Variants in OR1L6 observed in about 807,000 individuals in gnomAD.
OR1L6 encodes the protein olfactory receptor family 1 subfamily L member 6, also known as olfactory receptor 1L6.
Under a neutral mutation model 3.0 loss-of-function variants are expected in OR1L6, and 2 were observed. That is an observed-to-expected ratio of 0.68 (90% CI 0.28 to 2.13). The LOEUF (loss-of-function observed/expected upper bound fraction) is 2.13, where lower values mean the gene tolerates loss of function less well. OR1L6 is among the 30% of genes most tolerant of loss of function. The pLI, the probability that OR1L6 is intolerant of heterozygous loss-of-function variation, is 0.14. For missense variants in OR1L6, 304 were observed against 378.4 expected (o/e 0.80, Z 1.63); for synonymous variants, 121 against 148.4 (o/e 0.82, Z 1.34).
chr9:122,748,326 G>T (rs150837680), intron 1 of OR1L6, among the ~76,000 whole-genome samples: 178 of 151,916 alleles, frequency 1.2e-3, no homozygotes, highest in African/African-American at 4.1e-3. Flanking sequence ...TGAATGAAAG[G>T]GTGTCATTCA....
rs1828872058 is a variant in OR1L6, at chr9:122,749,846, A to G, written c.-2A>G. On this transcript the variant is annotated 5_prime_UTR_variant, in exon 2 of 2. Coordinates refer to ENST00000304720, the MANE Select transcript of OR1L6 (RefSeq NM_001004453.3). ...CAAACCCTATCCAGGAAGTCCAGAG[A>G]CATGGAGATAAAGAACTACAGCAGC... The G allele has an allele frequency of 1.2e-6, 2 of 1,614,064 alleles. No homozygotes were observed. Among genetic ancestry groups the G allele is most frequent in the African/African-American group, 1.3e-5 (1 of 74,928 alleles).
rs982512356 is a variant in OR1L6, at chr9:122,745,570, G to A, written c.-14+3197G>A. Among the ~76,000 whole-genome samples, 3 of 151,412 alleles carry A rather than the reference G, an allele frequency of 2.0e-5. No individual in the cohort carries two copies. In the South Asian group the frequency reaches 6.3e-4, roughly 32 times the overall value. On this transcript the variant is annotated intron_variant, in intron 1 of 1. Coordinates refer to ENST00000304720, the MANE Select transcript of OR1L6 (RefSeq NM_001004453.3). ...TGGGACTGCAGGCGCCCACCACAAC[G>A]CCCAGCTAAGTTTTTGTATTTTTAG... is the stretch of plus-strand genomic sequence containing the variant.
intron 1 of OR1L6, among the ~76,000 whole-genome samples, chr9:122,747,824 C>G (rs1828851513): frequency 6.6e-6 from 1 of 151,902 alleles, no homozygotes; most frequent in Non-Finnish European, 1.5e-5. Flanking sequence ...ACAGTTTCAT[C>G]ATTTCTAATG....
intron 1 of OR1L6, among the ~76,000 whole-genome samples, chr9:122,748,665 C>A (rs777400791): frequency 3.9e-4 from 59 of 152,164 alleles, no homozygotes; most frequent in Non-Finnish European, 7.1e-4. Flanking sequence ...AATTTATCAT[C>A]ATTCATTCCC....
Position 122,750,680 on chromosome 9 carries a change from T to C in OR1L6, c.833T>C (p.Met278Thr), listed in dbSNP as rs201479040. Residue 278 changes from methionine to threonine, a missense_variant, in exon 2 of 2, where the codon ATG becomes ACG. This residue lies in a region of OR1L6 where 91 missense variants were observed against 87.8 expected (regional missense o/e 1.04). Transcript: ENST00000304720. ...SVVRDRVATV[M>T]YTVVTPMLNP... is the part of the protein sequence containing the mutation. ...GTTAGGGACCGGGTAGCCACAGTTATGTACACAGTAGTGACACCCATGCTG... is the reference window on the plus strand; with the variant it reads ...GTTAGGGACCGGGTAGCCACAGTTACGTACACAGTAGTGACACCCATGCTG... 3.1e-6 allele frequency: 5 copies of C among 1,613,934 alleles called. No homozygotes were observed. The highest frequency in any genetic ancestry group is 3.3e-5 in the Admixed American group (2 of 60,006).
At chr9:122,748,949 G>T (rs547415051) in intron 1 of OR1L6, among the ~76,000 whole-genome samples, 32 of 152,246 alleles carry the variant, frequency 2.1e-4, no homozygotes, top group African/African-American at 7.7e-4. Context: ...GTGTGTGTGT[G>T]TGTACACGTA....
At chr9:122,748,913 C>T (rs769620313) in intron 1 of OR1L6, among the ~76,000 whole-genome samples, 10 of 152,156 alleles carry the variant, frequency 6.6e-5, no homozygotes, top group Non-Finnish European at 1.2e-4. Flanking sequence ...CATTATTTAT[C>T]ATGGCTAAAC....
At chr9:122,746,194 T>C (rs1828835305) in intron 1 of OR1L6, among the ~76,000 whole-genome samples, 1 of 152,234 alleles carries the variant, frequency 6.6e-6, no homozygotes, top group African/African-American at 2.4e-5. Context: ...TCAGACTGCC[T>C]GAATTCAAAT....
rs1455903092 is a variant in OR1L6, at chr9:122,750,133, G to A, written c.286G>A (p.Val96Met). The A allele has an allele frequency of 6.2e-7, 1 of 1,613,468 alleles. No individual in the cohort carries two copies. The highest frequency in any genetic ancestry group is 1.3e-5 in the African/African-American group (1 of 74,914). ...FLSETKVISYVGCLAQMYFFM... is the reference protein window; with the variant it reads ...FLSETKVISYMGCLAQMYFFM... Reference sequence around the variant, plus strand: ...ATCAGAGACAAAGGTTATCTCCTATGTGGGCTGCCTGGCCCAGATGTACTT... The same window carrying A: ...ATCAGAGACAAAGGTTATCTCCTATATGGGCTGCCTGGCCCAGATGTACTT... Residue 96 changes from valine (V) to methionine (M), a missense_variant, in exon 2 of 2, where the codon GTG (valine) becomes ATG (methionine). Around this residue, in one of 3 missense-constraint regions of OR1L6, gnomAD observed 192 missense variants for 242.7 expected, o/e 0.79. Coordinates refer to ENST00000304720, the MANE Select transcript of OR1L6 (RefSeq NM_001004453.3).
rs201741361 is a variant in OR1L6, at chr9:122,750,611, G to C, written c.764G>C (p.Ser255Thr). Reference sequence around the variant, plus strand: ...ACTGCAGTAGCCCTTTTCTATGGGAGTATTATTTATGTCTATTTTAGGCCC... The same window carrying C: ...ACTGCAGTAGCCCTTTTCTATGGGACTATTATTTATGTCTATTTTAGGCCC... Reference protein sequence around the residue: ...HLTAVALFYGSIIYVYFRPLS... With the variant: ...HLTAVALFYGTIIYVYFRPLS... The change falls in exon 2 of 2, where the codon AGT becomes ACT. Residue 255 changes from serine (S) to threonine (T), a missense_variant. Ser to Thr is a moderately conservative substitution (Grantham distance 58, BLOSUM62 1). Coordinates refer to ENST00000304720, the MANE Select transcript of OR1L6 (RefSeq NM_001004453.3). 5 of 1,614,024 alleles carry C rather than the reference G, an allele frequency of 3.1e-6. No homozygotes were observed. Among genetic ancestry groups the C allele is most frequent in the African/African-American group, 2.7e-5 (2 of 74,898 alleles).
At position 122,750,697 on chromosome 9, in the gene OR1L6, C is replaced by A. The variant is rs1184202619; in HGVS notation, c.850C>A (p.Pro284Thr). The A allele has an allele frequency of 3.7e-6, 6 of 1,613,650 alleles. No homozygotes were observed. The South Asian group carries it at 5.5e-5, about 15-fold the overall frequency. ...CACAGTTATGTACACAGTAGTGACA[C>A]CCATGCTGAACCCTTTCATCTACAG... ...VATVMYTVVTPMLNPFIYSLR... is the reference protein window; with the variant it reads ...VATVMYTVVTTMLNPFIYSLR... Residue 284 changes from proline to threonine, a missense_variant, in exon 2 of 2, where the codon CCC (proline) becomes ACC (threonine). This residue lies in a region of OR1L6 where 91 missense variants were observed against 87.8 expected (regional missense o/e 1.04). Coordinates refer to ENST00000304720, the MANE Select transcript of OR1L6 (RefSeq NM_001004453.3).
rs137892977 is a variant in OR1L6, at chr9:122,750,629, T to G, written c.782T>G (p.Phe261Cys). ...TATGGGAGTATTATTTATGTCTATT[T>G]TAGGCCCCTGTCCATGTACTCAGTG... ...LFYGSIIYVY[F>C]RPLSMYSVVR... Residue 261 changes from phenylalanine (F) to cysteine (C), a missense_variant, in exon 2 of 2, where the codon TTT becomes TGT. Physicochemically the swap from Phe to Cys is radical, Grantham distance 205. Transcript: ENST00000304720. 4.1e-4 allele frequency: 667 copies of G among 1,614,224 alleles called. No individual in the cohort carries two copies. The highest frequency in any genetic ancestry group is 5.0e-4 in the Non-Finnish European group (589 of 1,180,044).
chr9:122,743,843 A>C (rs971295703), intron 1 of OR1L6, among the ~76,000 whole-genome samples: 1 of 152,180 alleles, frequency 6.6e-6, no homozygotes, highest in African/African-American at 2.4e-5. Context: ...TGTAGGAGCA[A>C]AGGATAGGGT....
At position 122,750,568 on chromosome 9, in the gene OR1L6, A is replaced by G. The variant is rs754497066; in HGVS notation, c.721A>G (p.Thr241Ala). 1.6e-5 allele frequency: 26 copies of G among 1,613,260 alleles called. No individual in the cohort carries two copies. Among genetic ancestry groups the G allele is most frequent in the Non-Finnish European group, 2.0e-5 (24 of 1,179,764 alleles). The change falls in exon 2 of 2, where the codon ACC (threonine) becomes GCC (alanine). Residue 241 changes from threonine (T) to alanine (A), a missense_variant. By Grantham distance (58) the Thr-to-Ala change is moderately conservative. Coordinates refer to ENST00000304720, the MANE Select transcript of OR1L6 (RefSeq NM_001004453.3). ...AGCCGGGAAGTGGAAGGCCTTCTCT[A>G]CCTGTGGCTCCCACCTCACTGCAGT... ...SAAGKWKAFSTCGSHLTAVAL... is the reference protein window; with the variant it reads ...SAAGKWKAFSACGSHLTAVAL...
intron 1 of OR1L6, among the ~76,000 whole-genome samples, chr9:122,749,426 G>A (rs1333161816): frequency 6.6e-6 from 1 of 152,190 alleles, no homozygotes. Flanking sequence ...TTCTAGTTTA[G>A]GAGGCAGCCT....
rs1828872801 is a variant in OR1L6 at position 122,749,902 on chromosome 9, T to A, written c.55T>A (p.Ser19Thr). The change falls in exon 2 of 2, where the codon TCT becomes ACT. Residue 19 changes from serine to threonine, a missense_variant. This residue lies in a region of OR1L6 where 192 missense variants were observed against 242.7 expected (regional missense o/e 0.79). Coordinates refer to ENST00000304720, the MANE Select transcript of OR1L6 (RefSeq NM_001004453.3). ...CTCAGGCTTCATCCTCCTGGGCCTC[T>A]CTTCCAACCCTCAGCTGCAGAAACC... ...STSGFILLGLSSNPQLQKPLF... is the reference protein window; with the variant it reads ...STSGFILLGLTSNPQLQKPLF... 1.2e-6 allele frequency: 2 copies of A among 1,614,190 alleles called. No homozygotes were observed. The highest frequency in any genetic ancestry group is 1.7e-6 in the Non-Finnish European group (2 of 1,180,030).
At chr9:122,747,352 T>G (rs1219476320) in intron 1 of OR1L6, among the ~76,000 whole-genome samples, 1 of 152,096 alleles carries the variant, frequency 6.6e-6, no homozygotes, top group Non-Finnish European at 1.5e-5. Flanking sequence ...TATTATGTAA[T>G]TTGATTGGGG....
chr9:122,749,710 AG>A, intron 1 of OR1L6, 124 bp from the exon 2 acceptor site: 1 of 934,476 alleles, frequency 1.1e-6, no homozygotes, highest in Non-Finnish European at 1.7e-6. Flanking sequence ...TCCGTCTCAA[AG>A]AAAAAAAAAA....
chr9:122,750,277 C>T lies in OR1L6; in HGVS notation c.430C>T (p.Leu144Phe), dbSNP rs747820691. 6.2e-7 allele frequency: 1 copy of T among 1,614,078 alleles called. No homozygotes were observed. The highest frequency in any genetic ancestry group is 1.1e-5 in the South Asian group (1 of 91,074). ...DVVMKPRHCL[L>F]MLLGSCSISH... The stretch of plus-strand genomic sequence containing the variant: ...GGTTATGAAACCACGGCATTGCCTG[C>T]TCATGCTATTGGGTTCTTGCAGCAT... Residue 144 changes from leucine to phenylalanine, a missense_variant, in exon 2 of 2, where the codon CTC becomes TTC. By Grantham distance (22) the Leu-to-Phe change is conservative (BLOSUM62 0). Coordinates refer to ENST00000304720, the MANE Select transcript of OR1L6 (RefSeq NM_001004453.3).
Sources: allele counts gnomAD v4.1 joint callset (sites outside exome capture counted in the v4.1 genomes callset), GRCh38; gene constraint gnomAD v4.1.1; regional missense constraint gnomAD v4.1.1; transcripts MANE v1.5; gene names NCBI Gene and HGNC (gene_info 2026-07-23, HGNC 2026-07-21).